The following SNAPC3 variants were observed in gnomAD, a reference collection of about 807,000 sequenced individuals.
SNAPC3 encodes snRNA-activating protein complex subunit 3.
Under a neutral mutation model 47.7 loss-of-function variants are expected in SNAPC3, and 56 were observed. The ratio of observed to expected loss-of-function variants is 1.18; its 90% CI spans 0.95 to 1.47. The LOEUF is 1.47. Among genes scored for constraint, SNAPC3 ranks in the 40% most tolerant of loss-of-function variants. The pLI is 0.00. For missense variants in SNAPC3, 665 were observed against 511.3 expected (o/e 1.30, Z -2.90); for synonymous variants, 235 against 189.9 (o/e 1.24, Z -1.95).
intron 7 of SNAPC3, among the ~76,000 whole-genome samples, chr9:15,457,431 C>CAA (rs2131970400): frequency 6.6e-6 from 1 of 151,914 alleles, no homozygotes; most frequent in Admixed American, 6.6e-5. Context: ...CGTGTCTCTA[C>CAA]AAAAACTTAA....
intron 2 of SNAPC3, among the ~76,000 whole-genome samples, chr9:15,432,960 G>C (rs893795070): frequency 2.6e-5 from 4 of 152,132 alleles, no homozygotes; most frequent in Admixed American, 2.0e-4. Flanking sequence ...TTCTGGTGCA[G>C]GAACCTGGCA....
intron 3 of SNAPC3, 94 bp downstream of exon 3, chr9:15,433,730 C>G: frequency 1.3e-6 from 1 of 740,944 alleles, no homozygotes; most frequent in South Asian, 1.8e-5. Flanking sequence ...TAGCTTTATA[C>G]TGGATATGCT....
chr9:15,440,792 A>G (rs1374610123), intron 3 of SNAPC3, among the ~76,000 whole-genome samples: 1 of 152,164 alleles, frequency 6.6e-6, no homozygotes, highest in Non-Finnish European at 1.5e-5. Flanking sequence ...TACTAAAAAT[A>G]CAAAAAATTA....
At position 15,433,613 on chromosome 9, in the gene SNAPC3, C is replaced by A. The variant is rs981813312; in HGVS notation, c.454C>A (p.Gln152Lys). 2 of 1,605,832 alleles carry A rather than the reference C, an allele frequency of 1.2e-6. No homozygotes were observed. Among genetic ancestry groups the A allele is most frequent in the African/African-American group, 1.3e-5 (1 of 74,578 alleles). ...ETITIDRACR[Q>K]ETFVYEMESH... ...CATTACAATAGATCGAGCCTGCAGA[C>A]AAGAAACATTCGTTTATGAGATGGT... The change falls in exon 3 of 9, where the codon CAA becomes AAA. Residue 152 changes from glutamine (Q) to lysine (K), a missense_variant. Transcript: ENST00000380821.
At chr9:15,466,402 A>G (rs777720838), downstream of SNAPC3, among the ~76,000 whole-genome samples, 3 of 151,428 alleles carry the variant, frequency 2.0e-5, no homozygotes, top group Non-Finnish European at 4.4e-5. Context: ...CAACAACAAA[A>G]CTGTGATTCT....
At chr9:15,426,574 A>T (rs10738393) in intron 2 of SNAPC3, among the ~76,000 whole-genome samples, 2 of 152,020 alleles carry the variant, frequency 1.3e-5, no homozygotes, top group South Asian at 4.1e-4. Flanking sequence ...AAGACTCAGG[A>T]AGTGATTTTT....
At chr9:15,462,561 G>A (rs1420124900), downstream of SNAPC3, 1 of 152,148 alleles carries the variant, frequency 6.6e-6, no homozygotes, top group Non-Finnish European at 1.5e-5. Flanking sequence ...AATGAAGATA[G>A]GCAACTGAAA....
At chr9:15,465,396 T>G, downstream of SNAPC3, 1 of 802,714 alleles carries the variant, frequency 1.2e-6, no homozygotes, top group Non-Finnish European at 2.0e-6. Context: ...AGGGATTTTC[T>G]CCCTCAAAAC....
intron 3 of SNAPC3, 155 bp downstream of exon 3, chr9:15,433,791 G>A (rs1049691365): frequency 1.4e-5 from 7 of 483,288 alleles, no homozygotes; most frequent in African/African-American, 1.4e-4. Context: ...ACTAGTGAGA[G>A]AAGAGGACCC....
At chr9:15,442,444 A>G (rs957930758) in intron 3 of SNAPC3, among the ~76,000 whole-genome samples, 5 of 140,768 alleles carry the variant, frequency 3.6e-5, no homozygotes, top group African/African-American at 1.4e-4. Flanking sequence ...GGGCCTCCTC[A>G]CTTCTCAGAC....
Position 15,447,146 on chromosome 9 carries a change from C to T in SNAPC3, c.634C>T (p.Leu212Phe). 6.2e-7 allele frequency: 1 copy of T among 1,613,992 alleles called. No individual in the cohort carries two copies. Among genetic ancestry groups the T allele is most frequent in the South Asian group, 1.1e-5 (1 of 91,082 alleles). ...AATGCTGGTGTTGGGCAGTCAAAAACTCACACAACTGAGGGATTCAATTCG... is the reference window on the plus strand; with the variant it reads ...AATGCTGGTGTTGGGCAGTCAAAAATTCACACAACTGAGGGATTCAATTCG... ...QTMLVLGSQK[L>F]TQLRDSIRCV... The change falls in exon 5 of 9, where the codon CTC (leucine) becomes TTC (phenylalanine). Residue 212 changes from leucine (L) to phenylalanine (F), a missense_variant. Leu to Phe is a conservative substitution (Grantham distance 22). Transcript: ENST00000380821.
chr9:15,433,007 T>C (rs555191523), intron 2 of SNAPC3, among the ~76,000 whole-genome samples: 3 of 152,334 alleles, frequency 2.0e-5, no homozygotes, highest in East Asian at 3.9e-4. Flanking sequence ...TAAGATGTCA[T>C]ATTAATATCA....
intron 3 of SNAPC3, among the ~76,000 whole-genome samples, chr9:15,434,106 TTG>T (rs1485214491): frequency 6.6e-6 from 1 of 152,212 alleles, no homozygotes; most frequent in African/African-American, 2.4e-5. Flanking sequence ...CGGGCACCTA[TTG>T]TCTCTCCCAC....
At position 15,442,690 on chromosome 9, in the gene SNAPC3, G is replaced by A. The variant is rs1343076111; in HGVS notation, c.478-1912G>A. On this transcript the variant is annotated intron_variant, in intron 3 of 8. Transcript: ENST00000380821. ...GAGACGCTCCGCACTTCCCAGACTG[G>A]GCAGCCAGGCAGAGGGGCTCCTCAC... Among the ~76,000 whole-genome samples the A allele has an allele frequency of 3.9e-5, 6 of 151,994 alleles. No homozygotes were observed. In the East Asian group the frequency reaches 9.7e-4, roughly 25 times the overall value.
In SNAPC3 at chr9:15,422,956, G is replaced by A. The variant is rs781342143; in HGVS notation, c.77G>A (p.Gly26Asp). The A allele has an allele frequency of 2.6e-5, 40 of 1,537,540 alleles. 1 individual carries two copies. In the South Asian group the frequency reaches 4.7e-4, roughly 18 times the overall value. The change falls in exon 1 of 9, where the codon GGC becomes GAC. Residue 26 changes from glycine to aspartate, a missense_variant. By Grantham distance (94) the Gly-to-Asp change is moderately conservative. Transcript: ENST00000380821. ...GRQDPVSGSG[G>D]CNFPEYELPE... Reference sequence around the variant, plus strand: ...CAGGACCCAGTCTCCGGCAGTGGCGGCTGCAACTTTCCAGAGTATGAGCTT... The same window carrying A: ...CAGGACCCAGTCTCCGGCAGTGGCGACTGCAACTTTCCAGAGTATGAGCTT...
At chr9:15,427,220 T>G (rs955053106) in intron 2 of SNAPC3, among the ~76,000 whole-genome samples, 3 of 152,230 alleles carry the variant, frequency 2.0e-5, no homozygotes, top group Non-Finnish European at 4.4e-5. Flanking sequence ...TTGGCAGTTT[T>G]GACATTTTTT....
At chr9:15,441,540 CG>C (rs1199363168) in intron 3 of SNAPC3, among the ~76,000 whole-genome samples, 4 of 151,648 alleles carry the variant, frequency 2.6e-5, no homozygotes, top group Non-Finnish European at 5.9e-5. Context: ...GAGGACCCTG[CG>C]GCCTTCTGCA....
At chr9:15,423,411 A>G (rs1017359261) in intron 1 of SNAPC3, among the ~76,000 whole-genome samples, 4 of 152,206 alleles carry the variant, frequency 2.6e-5, no homozygotes, top group African/African-American at 9.7e-5. Flanking sequence ...GAGCAAAGGG[A>G]CAAGACAGCT....
chr9:15,457,981 C>T lies in SNAPC3; in HGVS notation c.1002C>T (p.Cys334=), dbSNP rs752206774. The change falls in exon 8 of 9, where the codon TGC becomes TGT. Residue 334 remains cysteine, a synonymous_variant. Transcript: ENST00000380821. The stretch of plus-strand genomic sequence containing the variant: ...AAAGGCTTGTGCATCATGATGACTG[C>T]TTGGATAGGACATTGTATCCCCTCC... ...TDIRLVHHDD[C]LDRTLYPLLI... 8 of 1,586,648 alleles carry T rather than the reference C, an allele frequency of 5.0e-6. No homozygotes were observed. The South Asian group carries it at 8.2e-5, about 16-fold the overall frequency.
Sources: gnomAD v4.1 joint callset for allele counts (sites outside exome capture counted in the v4.1 genomes callset) on GRCh38, gnomAD v4.1.1 for gene constraint, MANE v1.5 for transcripts, NCBI Gene and HGNC (gene_info 2026-07-23, HGNC 2026-07-21) for gene names.